The following GYG1 variants were observed in gnomAD, a reference collection of about 807,000 sequenced individuals.
The protein encoded by GYG1 is glycogenin-1.
In GYG1, 44 loss-of-function variants were observed where a neutral mutation model predicts 41.9. The observed-to-expected ratio is 1.05, with a 90% CI of 0.83 to 1.35. GYG1 has a LOEUF of 1.35. GYG1 is among the 40% of genes most tolerant of loss of function. The pLI is 0.00. For missense variants in GYG1, 429 were observed against 418.9 expected (o/e 1.02, Z -0.21); for synonymous variants, 141 against 158.1 (o/e 0.89, Z 0.81).
intron 1 of GYG1, 143 bp from the exon 2 acceptor site, chr3:148,993,999 C>A: frequency 1.3e-6 from 1 of 759,190 alleles, no homozygotes; most frequent in Non-Finnish European, 2.3e-6. Context: ...GTTTTCTCCC[C>A]AAAGGGCTAC....
rs138776336 is a variant in GYG1, at chr3:148,997,551, T to C, written c.481+647T>C. On this transcript the variant is annotated intron_variant, in intron 4 of 7. Coordinates refer to ENST00000345003, the MANE Select transcript of GYG1 (RefSeq NM_004130.4). Reference sequence around the variant, plus strand: ...TCTGTCTGTGATATAGGGCCTCACATCTTTTGGAGAAGTTGATCAAATGAA... The same window carrying C: ...TCTGTCTGTGATATAGGGCCTCACACCTTTTGGAGAAGTTGATCAAATGAA... Among the ~76,000 whole-genome samples, 15 of 152,336 alleles carry C rather than the reference T, an allele frequency of 9.8e-5. No homozygotes were observed. In the East Asian group the frequency reaches 2.9e-3, roughly 29 times the overall value.
intron 6 of GYG1, 117 bp downstream of exon 6, chr3:149,024,389 G>T (rs1714539321): frequency 1.4e-5 from 10 of 735,686 alleles, no homozygotes; most frequent in Middle Eastern, 2.4e-4. Flanking sequence ...ATAAAATTTT[G>T]TGGAAAGAAA....
chr3:149,024,330 T>A (rs1714536613), intron 6 of GYG1, 58 bp downstream of exon 6: 1 of 1,028,340 alleles, frequency 9.7e-7, no homozygotes, highest in Admixed American at 1.7e-5. Context: ...AAAATTGTTG[T>A]ATCAATAGAG....
chr3:148,996,690 G>C, intron 3 of GYG1, 52 bp from the exon 4 acceptor site: 1 of 1,526,672 alleles, frequency 6.6e-7, no homozygotes, highest in Non-Finnish European at 9.1e-7. Context: ...ACTCAAGAAG[G>C]GTATTCTGCA....
At chr3:148,996,715 G>A in intron 3 of GYG1, 27 bp from the exon 4 acceptor site, 2 of 1,603,946 alleles carry the variant, frequency 1.2e-6, no homozygotes, top group African/African-American at 1.3e-5. Flanking sequence ...AAACATTTCT[G>A]TAATGCTCTT....
chr3:149,011,767 C>T (rs557159279), intron 5 of GYG1, among the ~76,000 whole-genome samples: 2 of 152,110 alleles, frequency 1.3e-5, no homozygotes, highest in Non-Finnish European at 2.9e-5. Flanking sequence ...CTTCCTGGCT[C>T]AATGAATGAG....
chr3:149,011,478 T>C (rs967853499), intron 5 of GYG1, among the ~76,000 whole-genome samples: 5 of 152,230 alleles, frequency 3.3e-5, no homozygotes, highest in African/African-American at 1.2e-4. Context: ...AGTGAGCATG[T>C]GGTTCTGTTT....
At chr3:148,997,832 G>A (rs1472815261) in intron 4 of GYG1, among the ~76,000 whole-genome samples, 2 of 152,220 alleles carry the variant, frequency 1.3e-5, no homozygotes, top group African/African-American at 4.8e-5. Context: ...ATTCACATGG[G>A]GTTGGGCCAG....
rs74497953 is a variant in GYG1, at chr3:148,996,629, C to G, written c.319-113C>G. On this transcript the variant is annotated intron_variant, in intron 3 of 7. Transcript: ENST00000345003. Reference sequence around the variant, plus strand: ...GTCAGGGGATGAAGGAGAGGAGGCCCAGGCTGCCTTACAGCTGTCACCATC... The same window carrying G: ...GTCAGGGGATGAAGGAGAGGAGGCCGAGGCTGCCTTACAGCTGTCACCATC... 665 of 1,225,830 alleles carry G rather than the reference C, an allele frequency of 5.4e-4. 4 individuals carry two copies. The highest frequency in any genetic ancestry group is 4.5e-4 in the Non-Finnish European group (374 of 832,144). 75.9% of individuals were successfully genotyped at this position (1,225,830 alleles called of 1,614,324 possible).
chr3:149,009,205 T>G, intron 4 of GYG1, 71 bp from the exon 5 acceptor site: 1 of 1,183,370 alleles, frequency 8.5e-7, no homozygotes, highest in Non-Finnish European at 1.3e-6. Context: ...AAAGGTCCAG[T>G]TATGTGCTCC....
rs1266494061 is a variant in GYG1 at position 149,030,659 on chromosome 3, C to T, written c.*3726C>T. The stretch of plus-strand genomic sequence containing the variant: ...TAATGCTTGATCTACCAGGTAACTT[C>T]CCAACTGCTCCTAATGCTAGCGGGC... On this transcript the variant is annotated 3_prime_UTR_variant, in exon 8 of 8. Coordinates refer to ENST00000345003, the MANE Select transcript of GYG1 (RefSeq NM_004130.4). The T allele has an allele frequency of 6.6e-6, 1 of 152,182 alleles. No homozygotes were observed. Among genetic ancestry groups the T allele is most frequent in the African/African-American group, 2.4e-5 (1 of 41,446 alleles). The allele number at this position is 152,182 out of a possible 1,614,324, so 9.4% of individuals were successfully genotyped here. A position where few individuals can be genotyped will look rare whatever the true frequency, so the allele number is the denominator to read the frequency against.
chr3:148,993,242 A>C (rs2107883017), intron 1 of GYG1, among the ~76,000 whole-genome samples: 1 of 135,270 alleles, frequency 7.4e-6, no homozygotes, highest in Non-Finnish European at 1.5e-5. Flanking sequence ...AGGAGGAAAA[A>C]TCCATGTATT....
chr3:149,025,222 T>C (rs1559844927), intron 6 of GYG1, among the ~76,000 whole-genome samples: 1 of 152,180 alleles, frequency 6.6e-6, no homozygotes, highest in East Asian at 1.9e-4. Context: ...CATGGACCAG[T>C]ATGGGGGATG....
chr3:148,998,369 T>TA (rs1712921779), intron 4 of GYG1, among the ~76,000 whole-genome samples: 1 of 152,174 alleles, frequency 6.6e-6, no homozygotes, highest in Non-Finnish European at 1.5e-5. Context: ...TTTTGGTTGT[T>TA]ACAACTGAAG....
At chr3:149,019,689 T>A (rs1415543609) in intron 5 of GYG1, among the ~76,000 whole-genome samples, 1 of 152,144 alleles carries the variant, frequency 6.6e-6, no homozygotes, top group Admixed American at 6.6e-5. Context: ...AGTAACAGAT[T>A]TAGAATTAAA....
At chr3:149,019,213 C>A (rs1185629444) in intron 5 of GYG1, among the ~76,000 whole-genome samples, 1 of 152,126 alleles carries the variant, frequency 6.6e-6, no homozygotes, top group African/African-American at 2.4e-5. Flanking sequence ...CAGAATCTTT[C>A]TTACCTCCTC....
intron 5 of GYG1, among the ~76,000 whole-genome samples, chr3:149,019,068 TA>T (rs67695680): frequency 0.011 from 1,347 of 119,080 alleles, 7 homozygotes; most frequent in South Asian, 0.023. Context: ...GACACTGTCT[TA>T]AAAAAAAAAA....
At chr3:149,007,263 T>C (rs1305161972) in intron 4 of GYG1, among the ~76,000 whole-genome samples, 1 of 152,248 alleles carries the variant, frequency 6.6e-6, no homozygotes, top group Non-Finnish European at 1.5e-5. Flanking sequence ...CCACTCCAGA[T>C]ACCATCAACT....
intron 4 of GYG1, among the ~76,000 whole-genome samples, 199 bp downstream of exon 4, chr3:148,997,103 G>T (rs2107888227): frequency 6.6e-6 from 1 of 151,338 alleles, no homozygotes; most frequent in Middle Eastern, 3.4e-3. Context: ...TTTTTCTATA[G>T]ATGTGAAAGA....
Sources: allele counts gnomAD v4.1 joint callset (sites outside exome capture counted in the v4.1 genomes callset), GRCh38; gene constraint gnomAD v4.1.1; transcripts MANE v1.5; gene names NCBI Gene and HGNC (gene_info 2026-07-23, HGNC 2026-07-21).